Variants in SAMMSON observed in about 807,000 individuals in gnomAD.
SAMMSON encodes survival associated mitochondrial melanoma specific oncogenic non-coding RNA.
At chr3:70,420,033 T>G (rs1389331468) in intron 2 of SAMMSON, among the ~76,000 whole-genome samples, 1 of 152,216 alleles carries the variant, frequency 6.6e-6, no homozygotes, top group Non-Finnish European at 1.5e-5. Context: ...CTTTGAGAGA[T>G]AAGCAGGTAA....
chr3:70,217,869 C>T (rs1273297382), intron 4 of SAMMSON, among the ~76,000 whole-genome samples: 1 of 152,088 alleles, frequency 6.6e-6, no homozygotes, highest in African/African-American at 2.4e-5. Context: ...TTAAGAGGCT[C>T]CCTATCAGCA....
chr3:70,207,859 C>T (rs1399131239), intron 4 of SAMMSON, among the ~76,000 whole-genome samples: 1 of 151,940 alleles, frequency 6.6e-6, no homozygotes, highest in Non-Finnish European at 1.5e-5. Context: ...GAACCAGTTC[C>T]CCTCAGACAC....
intron 4 of SAMMSON, among the ~76,000 whole-genome samples, chr3:70,116,578 TA>T (rs927184415): frequency 7.9e-5 from 12 of 151,938 alleles, no homozygotes; most frequent in Non-Finnish European, 1.6e-4. Context: ...TAAAACTAAA[TA>T]AAAAAATATC....
At chr3:70,041,282 C>G (rs1050359875) in intron 3 of SAMMSON, among the ~76,000 whole-genome samples, 1 of 152,006 alleles carries the variant, frequency 6.6e-6, no homozygotes, top group South Asian at 2.1e-4. Context: ...GATGTGGTTG[C>G]TGGGAAGTAA....
chr3:70,026,649 C>T (rs534429466), intron 3 of SAMMSON, among the ~76,000 whole-genome samples: 1 of 152,138 alleles, frequency 6.6e-6, no homozygotes, highest in South Asian at 2.1e-4. Context: ...TTATGGTAGC[C>T]CGAGAGATGC....
intron 4 of SAMMSON, among the ~76,000 whole-genome samples, chr3:70,192,961 G>C (rs1026731204): frequency 6.6e-6 from 1 of 152,040 alleles, no homozygotes; most frequent in Non-Finnish European, 1.5e-5. Flanking sequence ...TGTGCCTTAC[G>C]GATGTTTAGC....
intron 4 of SAMMSON, among the ~76,000 whole-genome samples, chr3:70,236,512 C>T (rs1701610504): frequency 6.6e-6 from 1 of 152,192 alleles, no homozygotes; most frequent in Non-Finnish European, 1.5e-5. Flanking sequence ...GCAACCTCCA[C>T]ATTGACAACC....
intron 4 of SAMMSON, among the ~76,000 whole-genome samples, chr3:70,115,387 G>A (rs1056231744): frequency 6.6e-6 from 1 of 151,982 alleles, no homozygotes. Context: ...TTTTCAAAAA[G>A]GATTCTAAAA....
rs193030715 is a variant in SAMMSON at position 70,278,183 on chromosome 3, T to A, written n.675-12996T>A. On this transcript the variant is annotated intron_variant and non_coding_transcript_variant, in intron 6 of 9. Coordinates refer to ENST00000642114, the Ensembl canonical transcript of SAMMSON. ...TTCTTATATAAATGGGCTCATAGTG[T>A]ATATTCTTTTATTTATATCTAACTT... Among the ~76,000 whole-genome samples the A allele has an allele frequency of 2.6e-5, 4 of 152,322 alleles. No individual in the cohort carries two copies. In the East Asian group the frequency reaches 7.7e-4, roughly 29 times the overall value.
At chr3:70,115,942 G>A (rs137919538) in intron 4 of SAMMSON, among the ~76,000 whole-genome samples, 1 of 152,238 alleles carries the variant, frequency 6.6e-6, no homozygotes, top group Admixed American at 6.5e-5. Flanking sequence ...TTTATTGGAT[G>A]AGAACTTCCA....
chr3:70,301,453 A>T (rs1007001398), intron 7 of SAMMSON, among the ~76,000 whole-genome samples: 1 of 152,038 alleles, frequency 6.6e-6, no homozygotes, highest in East Asian at 1.9e-4. Context: ...CTGATATTTT[A>T]TTTTCCCAAC....
chr3:70,152,662 T>C (rs912103025), intron 4 of SAMMSON, among the ~76,000 whole-genome samples: 5 of 152,172 alleles, frequency 3.3e-5, no homozygotes, highest in Non-Finnish European at 5.9e-5. Context: ...ATGTGTATTA[T>C]TTTCTTAGTC....
chr3:70,238,906 A>AT (rs1369431404), intron 4 of SAMMSON, among the ~76,000 whole-genome samples: 2 of 152,168 alleles, frequency 1.3e-5, no homozygotes, highest in East Asian at 3.9e-4. Flanking sequence ...TTTTCTTCCC[A>AT]TCTCTTTTTA....
At chr3:70,026,387 T>C (rs902495833) in intron 3 of SAMMSON, among the ~76,000 whole-genome samples, 1 of 152,174 alleles carries the variant, frequency 6.6e-6, no homozygotes, top group Non-Finnish European at 1.5e-5. Context: ...TACTTTTTCC[T>C]CTGTTTCAGT....
At chr3:70,011,612 T>C (rs527692592) in intron 1 of SAMMSON, among the ~76,000 whole-genome samples, 1 of 152,034 alleles carries the variant, frequency 6.6e-6, no homozygotes, top group East Asian at 1.9e-4. Context: ...TACTTTTTTT[T>C]TTTTTTTTAC....
intron 3 of SAMMSON, chr3:70,030,761 T>C (rs560472646): frequency 6.6e-6 from 1 of 152,318 alleles, no homozygotes; most frequent in South Asian, 2.1e-4. Context: ...ATAGGATATA[T>C]ACAGATGGCC....
intron 3 of SAMMSON, among the ~76,000 whole-genome samples, chr3:70,018,013 G>C (rs550640267): frequency 6.4e-4 from 98 of 152,118 alleles, no homozygotes; most frequent in Admixed American, 1.9e-3. Flanking sequence ...TTTTTGCATC[G>C]ATGTTCATCA....
intron 2 of SAMMSON, among the ~76,000 whole-genome samples, chr3:70,423,657 T>C (rs992971066): frequency 6.6e-6 from 1 of 152,194 alleles, no homozygotes; most frequent in African/African-American, 2.4e-5. Context: ...CATTTTCCTC[T>C]TTAACTAACA....
At chr3:70,338,168 CA>C in intron 7 of SAMMSON, among the ~76,000 whole-genome samples, 1 of 152,120 alleles carries the variant, frequency 6.6e-6, no homozygotes, top group South Asian at 2.1e-4. Context: ...TTCTCTCCCT[CA>C]AAATGTTTAC....
Sources: allele counts gnomAD v4.1 joint callset (sites outside exome capture counted in the v4.1 genomes callset), GRCh38; gene constraint gnomAD v4.1.1; transcripts MANE v1.5; gene names NCBI Gene and HGNC (gene_info 2026-07-23, HGNC 2026-07-21).